C16orf74: variants seen among roughly 807,000 people sequenced by gnomAD.
C16orf74 encodes the protein uncharacterized protein C16orf74.
A neutral mutation model predicts 6.5 loss-of-function variants in C16orf74; 10 were observed. The observed-to-expected ratio is 1.54, with a 90% CI of 0.95 to 2.61. The LOEUF (loss-of-function observed/expected upper bound fraction) is 2.61, where lower values mean the gene tolerates loss of function less well. Ranked by LOEUF, C16orf74 falls within the 30% of genes most tolerant of loss-of-function variation. C16orf74 has a pLI of 0.00. For missense variants in C16orf74, 141 were observed against 105.9 expected, an observed-to-expected ratio of 1.33 and a Z score of -1.45; for synonymous variants, 60 against 42.5, an observed-to-expected ratio of 1.41 and a Z score of -1.60.
At chr16:85,742,599 T>TGGTGCGATCTCGGCTCACTGCAAC (rs1335324543) in intron 1 of C16orf74, among the ~76,000 whole-genome samples, 1 of 152,052 alleles carries the variant, frequency 6.6e-6, no homozygotes, top group African/African-American at 2.4e-5. Flanking sequence ...TAGACTGCAA[T>TGGTGCGATCTCGGCTCACTGCAAC]GGTGCGATCT....
At chr16:85,732,966 GC>G (rs1325567020) in intron 2 of C16orf74, among the ~76,000 whole-genome samples, 1 of 152,212 alleles carries the variant, frequency 6.6e-6, no homozygotes, top group Admixed American at 6.5e-5. Flanking sequence ...CTCGTGAGGG[GC>G]CGAGGGTGGG....
chr16:85,715,088 C>T (rs1326305042), intron 2 of C16orf74, among the ~76,000 whole-genome samples: 4 of 149,640 alleles, frequency 2.7e-5, no homozygotes, highest in South Asian at 2.1e-4. Context: ...ACCCGGGAGG[C>T]GGAGCTTGCA....
rs73257227 is a variant in C16orf74 at position 85,740,947 on chromosome 16, G to A, written c.-18-5712C>T. Among the ~76,000 whole-genome samples, 809 of 151,882 alleles carry A rather than the reference G, an allele frequency of 5.3e-3. 6 individuals are homozygous for A. The highest frequency in any genetic ancestry group is 0.019 in the African/African-American group (773 of 41,398). The stretch of plus-strand genomic sequence containing the variant: ...GGAACATAGTGATACGCATGAATAC[G>A]TGCAGGGAGAGATGAGGACACGCGT... On this transcript the variant is annotated intron_variant, in intron 1 of 3. Coordinates refer to ENST00000284245, the MANE Select transcript of C16orf74 (RefSeq NM_206967.3).
intron 3 of C16orf74, among the ~76,000 whole-genome samples, chr16:85,709,090 C>A (rs1292546280): frequency 6.6e-6 from 1 of 152,242 alleles, no homozygotes; most frequent in African/African-American, 2.4e-5. Flanking sequence ...TGTGGTGGCT[C>A]ATGCCTGTAA....
chr16:85,742,192 G>C (rs2054316596), intron 1 of C16orf74, among the ~76,000 whole-genome samples: 1 of 152,136 alleles, frequency 6.6e-6, no homozygotes, highest in Admixed American at 6.5e-5. Flanking sequence ...GGCCAACATG[G>C]CAAAACCCCG....
At chr16:85,732,474 T>G (rs1205719901) in intron 2 of C16orf74, among the ~76,000 whole-genome samples, 4 of 152,012 alleles carry the variant, frequency 2.6e-5, no homozygotes, top group African/African-American at 9.6e-5. Context: ...AAGACCAGCC[T>G]GGACAACATG....
At chr16:85,711,215 A>C (rs2053966464) in intron 2 of C16orf74, among the ~76,000 whole-genome samples, 1 of 151,480 alleles carries the variant, frequency 6.6e-6, no homozygotes, top group Non-Finnish European at 1.5e-5. Context: ...TCAGGAGCTG[A>C]AGCAGGAGGA....
chr16:85,741,025 C>T (rs545619652), intron 1 of C16orf74, among the ~76,000 whole-genome samples: 36 of 152,202 alleles, frequency 2.4e-4, no homozygotes, highest in Non-Finnish European at 4.1e-4. Context: ...TCTTCATATT[C>T]TCACAACTCT....
At chr16:85,719,671 G>T (rs2054059631) in intron 2 of C16orf74, among the ~76,000 whole-genome samples, 1 of 152,146 alleles carries the variant, frequency 6.6e-6, no homozygotes, top group Non-Finnish European at 1.5e-5. Flanking sequence ...CAAGAAGCAG[G>T]GTTTAGGGGA....
chr16:85,750,635 G>A (rs978806146), intron 1 of C16orf74, among the ~76,000 whole-genome samples: 3 of 152,244 alleles, frequency 2.0e-5, no homozygotes, highest in African/African-American at 7.2e-5. Flanking sequence ...GGTGGCCTGT[G>A]GTGAGTGGGG....
At chr16:85,748,781 G>T (rs988041971) in intron 1 of C16orf74, among the ~76,000 whole-genome samples, 1 of 152,000 alleles carries the variant, frequency 6.6e-6, no homozygotes, top group Non-Finnish European at 1.5e-5. Context: ...GCTGGTCTGC[G>T]GGGTCTCAAT....
At chr16:85,712,292 A>G (rs2053978137) in intron 2 of C16orf74, among the ~76,000 whole-genome samples, 1 of 152,230 alleles carries the variant, frequency 6.6e-6, no homozygotes, top group East Asian at 1.9e-4. Context: ...GCCACTCCTC[A>G]ATTCCTGACC....
intron 1 of C16orf74, chr16:85,744,225 C>CAAAAAAAAAAAAAAAAAAAAAAAA (rs368696989): frequency 2.3e-5 from 1 of 43,014 alleles, no homozygotes; most frequent in Non-Finnish European, 4.1e-5. Flanking sequence ...AACTCCGTCT[C>CAAAAAAAAAAAAAAAAAAAAAAAA]AAAAAAAAAA....
In C16orf74 at chr16:85,735,238, G is replaced by C. The variant is rs1407055934; in HGVS notation, c.-18-3C>G. Reference sequence around the variant, plus strand: ...CCCATGTCGGCACCTCTGCAGGCCTGTGGAGAGAGGACAGCGCTGAGAGAG... The same window carrying C: ...CCCATGTCGGCACCTCTGCAGGCCTCTGGAGAGAGGACAGCGCTGAGAGAG... On this transcript the variant is annotated splice_region_variant and splice_polypyrimidine_tract_variant and intron_variant, in intron 1 of 3. Transcript: ENST00000284245. The C allele has an allele frequency of 6.3e-7, 1 of 1,579,832 alleles. No individual in the cohort carries two copies. The highest frequency in any genetic ancestry group is 8.6e-7 in the Non-Finnish European group (1 of 1,163,184).
chr16:85,723,397 T>G (rs550441216), intron 2 of C16orf74, among the ~76,000 whole-genome samples: 11 of 148,274 alleles, frequency 7.4e-5, no homozygotes, highest in Non-Finnish European at 1.2e-4. Context: ...CAAGATCCCA[T>G]CTGTACTAAA....
At chr16:85,711,656 A>G (rs1249758385) in intron 2 of C16orf74, among the ~76,000 whole-genome samples, 1 of 151,552 alleles carries the variant, frequency 6.6e-6, no homozygotes, top group East Asian at 1.9e-4. Context: ...ATTAAACGCA[A>G]CCAAAAACCC....
chr16:85,714,512 T>C lies in C16orf74; in HGVS notation c.29-4205A>G, dbSNP rs552644333. Among the ~76,000 whole-genome samples the C allele has an allele frequency of 9.1e-4, 138 of 152,092 alleles. 2 individuals carry two copies. The highest frequency in any genetic ancestry group is 2.8e-4 in the Non-Finnish European group (19 of 68,008). The stretch of plus-strand genomic sequence containing the variant: ...TCGACTCACTGCAACCTCTGCCTCC[T>C]GGGTTCAAGCGATTCTTCTGCCTCA... On this transcript the variant is annotated intron_variant, in intron 2 of 3. Transcript: ENST00000284245.
At chr16:85,714,712 C>T (rs1476493050) in intron 2 of C16orf74, among the ~76,000 whole-genome samples, 8 of 151,686 alleles carry the variant, frequency 5.3e-5, no homozygotes, top group Non-Finnish European at 1.5e-5. Context: ...GCCACCGTGC[C>T]CGGCCTTGGA....
At chr16:85,712,846 G>C (rs1264988856) in intron 2 of C16orf74, among the ~76,000 whole-genome samples, 1 of 152,226 alleles carries the variant, frequency 6.6e-6, no homozygotes, top group Non-Finnish European at 1.5e-5. Context: ...CCTGATAGGA[G>C]AGTCTTTGTT....
Sources: gnomAD v4.1 joint callset for allele counts (sites outside exome capture counted in the v4.1 genomes callset) on GRCh38, gnomAD v4.1.1 for gene constraint, MANE v1.5 for transcripts, NCBI Gene and HGNC (gene_info 2026-07-23, HGNC 2026-07-21) for gene names.